CIZ1: variants seen among roughly 807,000 people sequenced by gnomAD.
CIZ1 encodes the protein CDKN1A interacting zinc finger protein 1.
Under a neutral mutation model 118.6 loss-of-function variants are expected in CIZ1, and 58 were observed. That is an observed-to-expected ratio of 0.49 (90% CI 0.40 to 0.61). CIZ1 has a LOEUF of 0.61. CIZ1 is among the 20% of genes least tolerant of loss of function. CIZ1 has a pLI of 0.00. For missense variants in CIZ1, 921 were observed against 1,115.9 expected (o/e 0.83, Z 2.49); for synonymous variants, 448 against 443.4 (o/e 1.01, Z -0.13).
At chr9:128,180,643 C>G (rs890879109) in intron 6 of CIZ1, 78 bp downstream of exon 6, 1 of 1,366,990 alleles carries the variant, frequency 7.3e-7, no homozygotes, top group Admixed American at 1.9e-5. Context: ...CCACACCTGC[C>G]TCTATCACCT....
chr9:128,167,967 T>G (rs1829638405), intron 14 of CIZ1, among the ~76,000 whole-genome samples: 1 of 152,176 alleles, frequency 6.6e-6, no homozygotes. Context: ...ATGATGTGAC[T>G]ACTGAGCAAT....
chr9:128,171,973 G>C (rs1246757307), intron 11 of CIZ1, among the ~76,000 whole-genome samples: 1 of 151,574 alleles, frequency 6.6e-6, no homozygotes, highest in East Asian at 1.9e-4. Flanking sequence ...ACTGGCCAGA[G>C]TGTATCCTTT....
chr9:128,168,385 G>A (rs1057307959), intron 14 of CIZ1, among the ~76,000 whole-genome samples: 1 of 152,022 alleles, frequency 6.6e-6, no homozygotes, highest in Admixed American at 6.6e-5. Flanking sequence ...GCGTGGTGGT[G>A]GGCACCTGTG....
At position 128,167,115 on chromosome 9, in the gene CIZ1, T is replaced by C; in HGVS notation, c.2345A>G (p.Tyr782Cys). Residue 782 changes from tyrosine to cysteine, a missense_variant, in exon 15 of 17, where the codon TAC (tyrosine) becomes TGC (cysteine). By Grantham distance (194) the Tyr-to-Cys change is radical. Transcript: ENST00000372938. ...CTTACCATATGCAGTATTGGGGCTG[T>C]AGGTCTCCGAGCCCTTCCACTCCTC... The part of the protein sequence containing the change: ...SREEWKGSET[Y>C]SPNTAYGVDF... The C allele has an allele frequency of 6.2e-7, 1 of 1,603,090 alleles. No homozygotes were observed. The highest frequency in any genetic ancestry group is 2.2e-5 in the East Asian group (1 of 44,736).
chr9:128,188,018 A>G, intron 3 of CIZ1, 84 bp from the exon 4 acceptor site: 1 of 382,676 alleles, frequency 2.6e-6, no homozygotes, highest in East Asian at 7.1e-5. Context: ...AATCTCAAAC[A>G]ACATATTCAT....
intron 1 of CIZ1, among the ~76,000 whole-genome samples, chr9:128,200,659 A>AG (rs1833489951): frequency 6.8e-6 from 1 of 146,442 alleles, no homozygotes; most frequent in Non-Finnish European, 1.5e-5. Flanking sequence ...CTCTGTCTCA[A>AG]AAAAAAAAAA....
Position 128,191,395 on chromosome 9 carries a change from G to C in CIZ1, c.-6+37C>G. ...CTCCGCAGACACAGCCAGCTCGCAG[G>C]CGGAGCCCCACGACCCAGCCGCCCC... On this transcript the variant is annotated intron_variant, in intron 1 of 16. Transcript: ENST00000372938. The surrounding 1 kb of genome is among the most constrained non-coding windows in gnomAD (Gnocchi z 5.5). 1 of 822,790 alleles carries C rather than the reference G, an allele frequency of 1.2e-6. No individual in the cohort carries two copies. Among genetic ancestry groups the C allele is most frequent in the Non-Finnish European group, 1.5e-6 (1 of 679,110 alleles). The allele number at this position is 822,790 out of a possible 1,614,324, so 51.0% of individuals were successfully genotyped here. A position where few individuals can be genotyped will look rare whatever the true frequency, so the allele number is the denominator to read the frequency against.
intron 7 of CIZ1, among the ~76,000 whole-genome samples, chr9:128,179,668 G>T (rs1240169310): frequency 6.6e-6 from 1 of 151,554 alleles, no homozygotes; most frequent in Non-Finnish European, 1.5e-5. Context: ...TTGGTTTTTT[G>T]TTGTTGTTTG....
At position 128,178,504 on chromosome 9, in the gene CIZ1, T is replaced by C; in HGVS notation, c.1499-14A>G. 2 of 1,614,150 alleles carry C rather than the reference T, an allele frequency of 1.2e-6. No individual in the cohort carries two copies. Among genetic ancestry groups the C allele is most frequent in the South Asian group, 2.2e-5 (2 of 91,084 alleles). ...TCTTTTCCATGCCTGAAATGACAGA[T>C]GTGCTGTATTTCCCAGAGTCCCCAG... On this transcript the variant is annotated splice_polypyrimidine_tract_variant and intron_variant, in intron 8 of 16. Coordinates refer to ENST00000372938, the MANE Select transcript of CIZ1 (RefSeq NM_001131016.2).
Position 128,167,110 on chromosome 9 carries a change from G to A in CIZ1, c.2350C>T (p.Pro784Ser), listed in dbSNP as rs1271442777. 1 of 1,601,716 alleles carries A rather than the reference G, an allele frequency of 6.2e-7. No homozygotes were observed. The highest frequency in any genetic ancestry group is 8.5e-7 in the Non-Finnish European group (1 of 1,173,718). ...EEWKGSETYS[P>S]NTAYGVDFLV... ...GGGGCCTTACCATATGCAGTATTGG[G>A]GCTGTAGGTCTCCGAGCCCTTCCAC... The change falls in exon 15 of 17, where the codon CCC becomes TCC. Residue 784 changes from proline to serine, a missense_variant. By Grantham distance (74) the Pro-to-Ser change is moderately conservative. Transcript: ENST00000372938.
intron 1 of CIZ1, chr9:128,204,156 G>C (rs10760549): frequency 0.93 from 142,079 of 152,566 alleles, 66,603 homozygotes; most frequent in Non-Finnish European, 0.98. Flanking sequence ...ATCGAGGACC[G>C]GGCACGGCCT....
At chr9:128,169,328 A>C (rs1272531962) in intron 13 of CIZ1, 78 bp downstream of exon 13, 15 of 1,469,632 alleles carry the variant, frequency 1.0e-5, no homozygotes, top group Non-Finnish European at 1.4e-5. Flanking sequence ...GGCTGGGATA[A>C]ACCTCAACTT....
chr9:128,191,661 A>G, upstream of CIZ1: 1 of 1,241,128 alleles, frequency 8.1e-7, no homozygotes, highest in Non-Finnish European at 1.0e-6. The surrounding 1 kb of genome is among the most constrained non-coding windows in gnomAD (Gnocchi z 5.5). Context: ...GAGCCCGCCC[A>G]GTGCACAAGT....
At chr9:128,198,072 T>G (rs1411841995) in intron 1 of CIZ1, 1 of 152,258 alleles carries the variant, frequency 6.6e-6, no homozygotes, top group Admixed American at 6.5e-5. Flanking sequence ...GGGGAGCCCT[T>G]CAACAGGAGA....
chr9:128,168,502 C>T (rs1370246506), intron 14 of CIZ1, among the ~76,000 whole-genome samples: 2 of 143,126 alleles, frequency 1.4e-5, no homozygotes, highest in Non-Finnish European at 3.0e-5. Context: ...GGCGACAGAG[C>T]GAGACTCCGT....
intron 5 of CIZ1, 59 bp downstream of exon 5, chr9:128,185,488 C>A: frequency 8.7e-7 from 1 of 1,154,998 alleles, no homozygotes; most frequent in Non-Finnish European, 1.2e-6. Flanking sequence ...GAGCAGGTGG[C>A]ACTGGGGCTG....
chr9:128,173,479 C>T (rs1369445909), intron 11 of CIZ1, among the ~76,000 whole-genome samples: 1 of 151,816 alleles, frequency 6.6e-6, no homozygotes, highest in East Asian at 2.0e-4. Flanking sequence ...AGACACAGGT[C>T]TCATGACGGG....
chr9:128,167,015 G>C, intron 15 of CIZ1, 80 bp downstream of exon 15: 1 of 1,583,034 alleles, frequency 6.3e-7, no homozygotes, highest in Non-Finnish European at 8.6e-7. Flanking sequence ...GAATGCCATG[G>C]CTGGGATATG....
At chr9:128,180,369 G>C (rs761226584) in intron 7 of CIZ1, 46 bp downstream of exon 7, 12 of 1,433,450 alleles carry the variant, frequency 8.4e-6, no homozygotes, top group South Asian at 1.1e-5. Flanking sequence ...GCAGGAATGA[G>C]AGCACAGGGC....
Sources: allele counts gnomAD v4.1 joint callset (sites outside exome capture counted in the v4.1 genomes callset), GRCh38; gene constraint gnomAD v4.1.1; non-coding constraint Gnocchi (gnomAD v3.1); transcripts MANE v1.5; gene names NCBI Gene and HGNC (gene_info 2026-07-23, HGNC 2026-07-21).